GPATCH8: variants seen among roughly 807,000 people sequenced by gnomAD.
The protein encoded by GPATCH8 is G patch domain-containing protein 8.
In GPATCH8, 18 loss-of-function variants were observed where a neutral mutation model predicts 118.3. The observed-to-expected ratio is 0.15, with a 90% CI of 0.11 to 0.23. GPATCH8 has a LOEUF of 0.23. Ranked by LOEUF, GPATCH8 falls within the 10% of genes least tolerant of loss-of-function variation. The pLI is 1.00. For missense variants in GPATCH8, 1,631 were observed against 1,873.8 expected (o/e 0.87, Z 2.39); for synonymous variants, 659 against 684.7 (o/e 0.96, Z 0.59).
At chr17:44,478,499 A>C (rs1021816715) in intron 1 of GPATCH8, among the ~76,000 whole-genome samples, 1 of 151,984 alleles carries the variant, frequency 6.6e-6, no homozygotes, top group Non-Finnish European at 1.5e-5. Context: ...TACAAAAAAA[A>C]CTAGATGGGC....
chr17:44,483,138 GA>G (rs573433614), intron 1 of GPATCH8, among the ~76,000 whole-genome samples: 5 of 67,548 alleles, frequency 7.4e-5, no homozygotes, highest in African/African-American at 3.0e-4. Context: ...CTGGGCGAAA[GA>G]GTGAGACTCC....
At chr17:44,478,350 T>C (rs1967934876) in intron 1 of GPATCH8, among the ~76,000 whole-genome samples, 1 of 152,204 alleles carries the variant, frequency 6.6e-6, no homozygotes, top group Non-Finnish European at 1.5e-5. Flanking sequence ...GTCTATACAA[T>C]TTAATGATAC....
In GPATCH8 at chr17:44,400,070, A is replaced by G; in HGVS notation, c.2007T>C (p.Ser669=). The change falls in exon 8 of 8, where the codon TCT becomes TCC. Residue 669 remains serine (S), a synonymous_variant. Transcript: ENST00000591680. ...GRSLPSKKER[S]GKSHRHKKKK... is the part of the protein sequence containing the mutation. The stretch of plus-strand genomic sequence containing the variant: ...TCTTTTTGTGCCGGTGGGACTTCCC[A>G]GATCGTTCTTTCTTGCTGGGAAGGC... 6.2e-7 allele frequency: 1 copy of G among 1,613,748 alleles called. No homozygotes were observed. The highest frequency in any genetic ancestry group is 8.5e-7 in the Non-Finnish European group (1 of 1,179,954).
chr17:44,400,400 G>A lies in GPATCH8; in HGVS notation c.1677C>T (p.Thr559=). 2 of 1,613,614 alleles carry A rather than the reference G, an allele frequency of 1.2e-6. No homozygotes were observed. Among genetic ancestry groups the A allele is most frequent in the Non-Finnish European group, 1.7e-6 (2 of 1,179,538 alleles). Residue 559 remains threonine, a synonymous_variant, in exon 8 of 8, where the codon ACC becomes ACT. Coordinates refer to ENST00000591680, the MANE Select transcript of GPATCH8 (RefSeq NM_001002909.4). ...TGTATGAAATGGAGGGTTCTGCCTT[G>A]GTGAAAATTAATAGTTCTGATGGCC... is the stretch of plus-strand genomic sequence containing the variant. ...LQWPSELLIF[T]KAEPSISYSC...
At chr17:44,474,636 T>A in intron 2 of GPATCH8, 193 bp downstream of exon 2, 1 of 673,176 alleles carries the variant, frequency 1.5e-6, no homozygotes. Context: ...TAGATTTTTT[T>A]GGACTGATTT....
chr17:44,464,019 A>T (rs960409046), intron 3 of GPATCH8, among the ~76,000 whole-genome samples: 1 of 152,162 alleles, frequency 6.6e-6, no homozygotes, highest in Non-Finnish European at 1.5e-5. Flanking sequence ...CTTATTGCAG[A>T]GCAAAAGAGC....
intron 6 of GPATCH8, among the ~76,000 whole-genome samples, chr17:44,419,490 T>C (rs1412817945): frequency 6.6e-6 from 1 of 151,834 alleles, no homozygotes; most frequent in Admixed American, 6.6e-5. Flanking sequence ...TAGAAATTAT[T>C]TTTTTTTGTT....
intron 6 of GPATCH8, among the ~76,000 whole-genome samples, chr17:44,421,212 A>G (rs1367130840): frequency 6.6e-6 from 1 of 151,514 alleles, no homozygotes; most frequent in Non-Finnish European, 1.5e-5. Context: ...GTGGTGGCGC[A>G]TGCCTGTAAT....
intron 3 of GPATCH8, among the ~76,000 whole-genome samples, chr17:44,442,006 C>A (rs1351121447): frequency 2.7e-5 from 4 of 150,834 alleles, no homozygotes; most frequent in Non-Finnish European, 5.9e-5. Flanking sequence ...CCAGACTGGG[C>A]AACAAGAGTG....
chr17:44,399,919 T>C lies in GPATCH8; in HGVS notation c.2158A>G (p.Lys720Glu), dbSNP rs751562055. ...TCAGAATCTGCTGGGGCTGATGACT[T>C]ATTCTTCTTTCGTTTTCGTTTCTTG... ...KRKKRKRKKN[K>E]SSAPADSERG... Residue 720 changes from lysine (K) to glutamate (E), a missense_variant, in exon 8 of 8, where the codon AAG becomes GAG. By Grantham distance (56) the Lys-to-Glu change is moderately conservative. This residue lies in a region of GPATCH8 where 922 missense variants were observed against 879.7 expected (regional missense o/e 1.05). Transcript: ENST00000591680. 6.3e-5 allele frequency: 102 copies of C among 1,613,618 alleles called. No homozygotes were observed. Among genetic ancestry groups the C allele is most frequent in the Non-Finnish European group, 5.3e-5 (62 of 1,179,808 alleles).
intron 5 of GPATCH8, among the ~76,000 whole-genome samples, chr17:44,426,603 CAAAAA>C (rs754510329): frequency 1.6e-4 from 13 of 82,840 alleles, no homozygotes; most frequent in African/African-American, 7.1e-4. Context: ...GACCTTGTCT[CAAAAA>C]AAAAAAAAAA....
At chr17:44,494,573 T>A (rs544870639) in intron 1 of GPATCH8, among the ~76,000 whole-genome samples, 25 of 152,076 alleles carry the variant, frequency 1.6e-4, no homozygotes, top group Non-Finnish European at 3.4e-4. Flanking sequence ...GCCTGGGCAA[T>A]GAGAGCGAAA....
chr17:44,462,520 G>A (rs542993895), intron 3 of GPATCH8, among the ~76,000 whole-genome samples: 17 of 152,222 alleles, frequency 1.1e-4, no homozygotes, highest in East Asian at 5.8e-4. Flanking sequence ...GAGTTCTTGT[G>A]CCACTGGAAA....
intron 3 of GPATCH8, among the ~76,000 whole-genome samples, chr17:44,448,070 A>G (rs950829913): frequency 6.6e-6 from 1 of 152,132 alleles, no homozygotes; most frequent in Non-Finnish European, 1.5e-5. Context: ...CAGCCTCCTG[A>G]GTAGCTGGGA....
intron 6 of GPATCH8, among the ~76,000 whole-genome samples, chr17:44,418,916 C>A (rs542481290): frequency 2.0e-4 from 30 of 152,310 alleles, no homozygotes; most frequent in African/African-American, 6.7e-4. Flanking sequence ...CTGAAAAGAG[C>A]CAAAATACTT....
chr17:44,469,033 A>C (rs1293130479), intron 2 of GPATCH8, among the ~76,000 whole-genome samples: 2 of 152,208 alleles, frequency 1.3e-5, no homozygotes, highest in East Asian at 3.8e-4. Context: ...TAAACCATGT[A>C]GCTAAACTGA....
chr17:44,469,104 C>T (rs935597749), intron 2 of GPATCH8, among the ~76,000 whole-genome samples: 11 of 152,172 alleles, frequency 7.2e-5, no homozygotes, highest in African/African-American at 2.4e-4. Context: ...TATTTCTACA[C>T]ATAAATATAT....
chr17:44,500,361 T>C (rs1380339004), intron 1 of GPATCH8, among the ~76,000 whole-genome samples: 2 of 152,126 alleles, frequency 1.3e-5, no homozygotes, highest in Non-Finnish European at 2.9e-5. Flanking sequence ...ATAAGACACA[T>C]AAAGCCTGTG....
intron 1 of GPATCH8, among the ~76,000 whole-genome samples, chr17:44,494,908 T>TA (rs1969546545): frequency 6.6e-6 from 1 of 152,188 alleles, no homozygotes; most frequent in African/African-American, 2.4e-5. Context: ...TTCATTGTCC[T>TA]AAAAAAACAA....
Sources: allele counts gnomAD v4.1 joint callset (sites outside exome capture counted in the v4.1 genomes callset), GRCh38; gene constraint gnomAD v4.1.1; regional missense constraint gnomAD v4.1.1; transcripts MANE v1.5; gene names NCBI Gene and HGNC (gene_info 2026-07-23, HGNC 2026-07-21).